Variants in SLC24A4 observed in about 807,000 individuals in gnomAD.
SLC24A4 encodes sodium/potassium/calcium exchanger 4.
Under a neutral mutation model 79.0 loss-of-function variants are expected in SLC24A4, and 53 were observed. The observed-to-expected ratio is 0.67, with a 90% confidence interval of 0.54 to 0.84. SLC24A4 has a LOEUF of 0.84. Among genes scored for constraint, SLC24A4 ranks in the 40% least tolerant of loss-of-function variants. The probability of loss-of-function intolerance (pLI) is 0.00; values close to 1 mark genes in which losing one functional copy is unlikely to be tolerated. For synonymous variants in SLC24A4, 323 were observed against 323.8 expected, an observed-to-expected ratio of 1.00 and a Z score of 0.03; for missense variants, 731 against 822.0, an observed-to-expected ratio of 0.89 and a Z score of 1.35.
intron 6 of SLC24A4, 104 bp from the exon 7 acceptor site, chr14:92,443,296 G>C (rs1892604919): frequency 1.9e-6 from 2 of 1,029,396 alleles, no homozygotes; most frequent in African/African-American, 1.6e-5. Flanking sequence ...AGGAGGTGGA[G>C]CTCTGTGGGC....
At chr14:92,465,851 C>T (rs187185594) in intron 12 of SLC24A4, among the ~76,000 whole-genome samples, 13 of 152,294 alleles carry the variant, frequency 8.5e-5, no homozygotes, top group Admixed American at 8.5e-4. Flanking sequence ...AGACAACCTA[C>T]ACCTGTGTGT....
At chr14:92,485,955 G>T (rs1218295583) in intron 13 of SLC24A4, among the ~76,000 whole-genome samples, 1 of 152,132 alleles carries the variant, frequency 6.6e-6, no homozygotes, top group African/African-American at 2.4e-5. Context: ...GAATGGCCTT[G>T]ACAGTAAAAG....
intron 1 of SLC24A4, 129 bp downstream of exon 1, chr14:92,324,089 C>A: frequency 7.8e-7 from 1 of 1,276,524 alleles, no homozygotes; most frequent in Non-Finnish European, 1.0e-6. Context: ...CCAGTCCCCT[C>A]CCCGCCGGGC....
intron 12 of SLC24A4, among the ~76,000 whole-genome samples, chr14:92,465,432 C>A (rs182536557): frequency 1.4e-3 from 210 of 152,318 alleles, no homozygotes; most frequent in African/African-American, 4.9e-3. Context: ...TCAACCCTGA[C>A]ATCCTTCCAG....
Position 92,492,465 on chromosome 14 carries a change from A to G in SLC24A4, c.1716+225A>G, listed in dbSNP as rs138986345. Among the ~76,000 whole-genome samples the G allele has an allele frequency of 2.8e-4, 42 of 152,272 alleles. No homozygotes were observed. The East Asian group carries it at 3.5e-3, about 13-fold the overall frequency. On this transcript the variant is annotated intron_variant, in intron 16 of 16. Transcript: ENST00000532405. ...GAGTACATAAGAAGTCCCCAGAGGA[A>G]GCGAATTGCATTTCCTTTCTTGCTG...
chr14:92,356,924 G>C (rs1210952825), intron 2 of SLC24A4, among the ~76,000 whole-genome samples: 1 of 152,204 alleles, frequency 6.6e-6, no homozygotes, highest in South Asian at 2.1e-4. Flanking sequence ...AACGCTGAAT[G>C]AATCTTATGC....
At chr14:92,442,584 T>A in intron 5 of SLC24A4, 129 bp from the exon 6 acceptor site, 1 of 648,000 alleles carries the variant, frequency 1.5e-6, no homozygotes, top group Non-Finnish European at 2.7e-6. Flanking sequence ...CTTCTGCCAT[T>A]CTCTTCCGCT....
intron 2 of SLC24A4, among the ~76,000 whole-genome samples, chr14:92,385,586 T>C (rs1889108526): frequency 6.6e-6 from 1 of 152,126 alleles, no homozygotes; most frequent in African/African-American, 2.4e-5. Context: ...TTATTATTCA[T>C]AACATACCCG....
intron 12 of SLC24A4, among the ~76,000 whole-genome samples, chr14:92,479,772 G>C (rs1465700105): frequency 2.0e-5 from 3 of 152,222 alleles, no homozygotes; most frequent in Non-Finnish European, 4.4e-5. Flanking sequence ...AAGAGTTTGA[G>C]AAGGAGTCAT....
At chr14:92,385,482 C>T (rs369088693) in intron 2 of SLC24A4, among the ~76,000 whole-genome samples, 19 of 146,442 alleles carry the variant, frequency 1.3e-4, no homozygotes, top group African/African-American at 4.8e-4. Context: ...GGCGACAGAG[C>T]GAGACTCCGT....
At chr14:92,344,663 G>T (rs957421125) in intron 2 of SLC24A4, among the ~76,000 whole-genome samples, 1 of 152,176 alleles carries the variant, frequency 6.6e-6, no homozygotes, top group Non-Finnish European at 1.5e-5. Context: ...GATGTCCAGG[G>T]ATGAGGGAGG....
intron 2 of SLC24A4, among the ~76,000 whole-genome samples, chr14:92,345,198 CCATTCATTCAT>C (rs1886455541): frequency 1.3e-5 from 2 of 152,188 alleles, no homozygotes; most frequent in Non-Finnish European, 2.9e-5. Flanking sequence ...GTGGCATCCA[CCATTCATTCAT>C]CATTCATTCA....
chr14:92,466,757 G>T (rs1894149322), intron 12 of SLC24A4, among the ~76,000 whole-genome samples: 2 of 152,094 alleles, frequency 1.3e-5, no homozygotes, highest in South Asian at 4.2e-4. Flanking sequence ...GAAATAATAG[G>T]ATTCAGAGGG....
At chr14:92,468,908 GTGTGTGTGTGTGTGTGTGTGTGTGTGTC>G (rs1894271942) in intron 12 of SLC24A4, among the ~76,000 whole-genome samples, 3 of 94,242 alleles carry the variant, frequency 3.2e-5, no homozygotes, top group Admixed American at 1.2e-4. Context: ...GTGTGTGTGT[GTGTGTGTGTGTGTGTGTGTGTGTGTGTC>G]ACTTAAAACT....
At chr14:92,483,549 G>A (rs1005216668) in intron 13 of SLC24A4, among the ~76,000 whole-genome samples, 7 of 152,196 alleles carry the variant, frequency 4.6e-5, no homozygotes, top group African/African-American at 1.7e-4. Flanking sequence ...TTGGATGGGA[G>A]TTTTGCAGGC....
chr14:92,493,453 G>C (rs372771549), intron 16 of SLC24A4, 23 bp from the exon 17 acceptor site: 2 of 1,613,420 alleles, frequency 1.2e-6, no homozygotes, highest in Non-Finnish European at 1.7e-6. Context: ...TGCAAGCCCA[G>C]TTCCCACACT....
chr14:92,391,981 C>T (rs71430757), intron 2 of SLC24A4, among the ~76,000 whole-genome samples: 31 of 152,178 alleles, frequency 2.0e-4, no homozygotes, highest in East Asian at 7.7e-4. Context: ...CCCAGCTCTA[C>T]GTTCTCCCTC....
rs1009330728 is a variant in SLC24A4 at position 92,497,909 on chromosome 14, C to T, written c.*4281C>T. 1.3e-5 allele frequency: 2 copies of T among 152,216 alleles called. No homozygotes were observed. Among genetic ancestry groups the T allele is most frequent in the African/African-American group, 4.8e-5 (2 of 41,440 alleles). The allele number at this position is 152,216 out of a possible 1,614,324, so 9.4% of individuals were successfully genotyped here. On this transcript the variant is annotated 3_prime_UTR_variant, in exon 17 of 17. Coordinates refer to ENST00000532405, the MANE Select transcript of SLC24A4 (RefSeq NM_153646.4). Reference sequence around the variant, plus strand: ...GAACTTACCTGTTAGAGTGAAAATCCTCAGGAGATTGTACCCAAATGCCAT... The same window carrying T: ...GAACTTACCTGTTAGAGTGAAAATCTTCAGGAGATTGTACCCAAATGCCAT...
At chr14:92,384,410 G>T (rs1198549097) in intron 2 of SLC24A4, among the ~76,000 whole-genome samples, 1 of 150,670 alleles carries the variant, frequency 6.6e-6, no homozygotes, top group Non-Finnish European at 1.5e-5. Context: ...TGGAGCAGGG[G>T]TTTAAGATCA....
Sources: allele counts gnomAD v4.1 joint callset (sites outside exome capture counted in the v4.1 genomes callset), GRCh38; gene constraint gnomAD v4.1.1; transcripts MANE v1.5; gene names NCBI Gene and HGNC (gene_info 2026-07-23, HGNC 2026-07-21).